The following ZNF496 variants were observed in gnomAD, a reference collection of about 807,000 sequenced individuals.
The protein encoded by ZNF496 is zinc finger protein 496.
A neutral mutation model predicts 58.9 loss-of-function variants in ZNF496; 11 were observed. The observed-to-expected ratio is 0.19, with a 90% confidence interval of 0.12 to 0.31. ZNF496 has a LOEUF of 0.31. ZNF496 is among the 10% of genes least tolerant of loss of function. The probability of loss-of-function intolerance (pLI) is 1.00; values close to 1 mark genes in which losing one functional copy is unlikely to be tolerated. For synonymous variants in ZNF496, 338 were observed against 318.2 expected, an observed-to-expected ratio of 1.06 and a Z score of -0.66; for missense variants, 660 against 783.0, an observed-to-expected ratio of 0.84 and a Z score of 1.88.
rs138760260 is a variant in ZNF496, at chr1:247,300,631, C to T, written c.1652G>A (p.Arg551Gln). The T allele has an allele frequency of 3.0e-5, 49 of 1,614,020 alleles. No homozygotes were observed. The Middle Eastern group carries it at 6.6e-4, about 22-fold the overall frequency. ...RSHFHLKDKA[R>Q]PFQCRYCVKS... ...GACGCAGTACCGGCACTGGAAGGGC[C>T]GGGCTTTGTCCTTCAGGTGAAAGTG... The change falls in exon 10 of 10, where the codon CGG becomes CAG. Residue 551 changes from arginine to glutamine, a missense_variant. Arg to Gln is a conservative substitution (Grantham distance 43). Coordinates refer to ENST00000682384, the MANE Select transcript of ZNF496 (RefSeq NM_032752.3). The surrounding 1 kb of genome is among the most constrained non-coding windows in gnomAD (Gnocchi z 5.7).
chr1:247,316,135 G>GGTGTGTGTGTGTGT (rs148003455), intron 6 of ZNF496, among the ~76,000 whole-genome samples: 212 of 139,916 alleles, frequency 1.5e-3, no homozygotes, highest in African/African-American at 3.6e-3. Flanking sequence ...CTGGGAGAGG[G>GGTGTGTGTGTGTGT]GTGTGTGTGT....
Position 247,300,708 on chromosome 1 carries a change from A to C in ZNF496, c.1575T>G (p.Cys525Trp). The change falls in exon 10 of 10, where the codon TGT (cysteine) becomes TGG (tryptophan). Residue 525 changes from cysteine (C) to tryptophan (W), a missense_variant. Cys to Trp is a radical substitution (Grantham distance 215, BLOSUM62 -2). Coordinates refer to ENST00000682384, the MANE Select transcript of ZNF496 (RefSeq NM_032752.3). The surrounding 1 kb of genome is among the most constrained non-coding windows in gnomAD (Gnocchi z 5.7). Reference protein sequence around the residue: ...NGKAKLSFQCCECGKAFQRHD... With the variant: ...NGKAKLSFQCWECGKAFQRHD... ...GCCGCTGGAAGGCCTTCCCACACTC[A>C]CAGCACTGGAAGCTCAGTTTGGCCT... The C allele has an allele frequency of 1.9e-6, 3 of 1,613,950 alleles. No homozygotes were observed. Among genetic ancestry groups the C allele is most frequent in the South Asian group, 1.1e-5 (1 of 91,078 alleles).
chr1:247,320,232 T>C (rs1158080683), intron 6 of ZNF496, among the ~76,000 whole-genome samples: 1 of 152,122 alleles, frequency 6.6e-6, no homozygotes, highest in African/African-American at 2.4e-5. Context: ...ACCCGGATAG[T>C]CCTCAACCAG....
At chr1:247,307,421 T>C in intron 9 of ZNF496, 3 of 985,404 alleles carry the variant, frequency 3.0e-6, no homozygotes, top group Non-Finnish European at 3.6e-6. Context: ...TAAAAGTATA[T>C]TGATGGGGCT....
chr1:247,317,651 T>C (rs1659831116), intron 6 of ZNF496, among the ~76,000 whole-genome samples: 1 of 152,000 alleles, frequency 6.6e-6, no homozygotes, highest in East Asian at 1.9e-4. Flanking sequence ...CATCCCCACT[T>C]TGATGCCCGC....
At chr1:247,331,389 C>A (rs1339549978) in intron 2 of ZNF496, 43 bp downstream of exon 2, 1 of 152,220 alleles carries the variant, frequency 6.6e-6, no homozygotes, top group Non-Finnish European at 1.5e-5. Flanking sequence ...CTCGGTCTCC[C>A]TCACACGCGC....
chr1:247,300,606 G>C lies in ZNF496; in HGVS notation c.1677C>G (p.Val559=). The change falls in exon 10 of 10, where the codon GTC becomes GTG. Residue 559 remains valine (V), a synonymous_variant. Coordinates refer to ENST00000682384, the MANE Select transcript of ZNF496 (RefSeq NM_032752.3). The surrounding 1 kb of genome is among the most constrained non-coding windows in gnomAD (Gnocchi z 5.7). ...KARPFQCRYC[V]KSFTQNYDLL... is the part of the protein sequence containing the mutation. ...GGTCATAGTTCTGCGTGAAGCTCTT[G>C]ACGCAGTACCGGCACTGGAAGGGCC... 2 of 1,614,120 alleles carry C rather than the reference G, an allele frequency of 1.2e-6. No homozygotes were observed. The highest frequency in any genetic ancestry group is 1.7e-6 in the Non-Finnish European group (2 of 1,180,022).
chr1:247,309,892 G>A lies in ZNF496; in HGVS notation c.785-86C>T, dbSNP rs888032439. On this transcript the variant is annotated intron_variant, in intron 7 of 9. Coordinates refer to ENST00000682384, the MANE Select transcript of ZNF496 (RefSeq NM_032752.3). This position sits in a 1 kb window ranked among gnomAD's most constrained non-coding sequence, Gnocchi z 4.3. Reference sequence around the variant, plus strand: ...GCTGGTCCAGAAGAGAGAAGGCGGAGGGATGCCCAGCGGGCATGGCACCAT... The same window carrying A: ...GCTGGTCCAGAAGAGAGAAGGCGGAAGGATGCCCAGCGGGCATGGCACCAT... The A allele has an allele frequency of 5.3e-6, 8 of 1,498,886 alleles. No homozygotes were observed. The African/African-American group carries it at 1.1e-4, about 21-fold the overall frequency. The allele number at this position is 1,498,886 out of a possible 1,614,324, so 92.8% of individuals were successfully genotyped here. A position where few individuals can be genotyped will look rare whatever the true frequency, so the allele number is the denominator to read the frequency against.
intron 6 of ZNF496, chr1:247,322,886 T>A: frequency 1.0e-6 from 1 of 962,354 alleles, no homozygotes; most frequent in South Asian, 1.5e-5. Flanking sequence ...CAATGGGGAC[T>A]CATGGGCCTT....
rs1325267782 is a variant in ZNF496, at chr1:247,300,440, G to A, written c.*79C>T. 3 of 1,463,474 alleles carry A rather than the reference G, an allele frequency of 2.0e-6. No individual in the cohort carries two copies. Among genetic ancestry groups the A allele is most frequent in the African/African-American group, 1.4e-5 (1 of 70,890 alleles). The allele number at this position is 1,463,474 out of a possible 1,614,324, so 90.7% of individuals were successfully genotyped here. A position where few individuals can be genotyped will look rare whatever the true frequency, so the allele number is the denominator to read the frequency against. ...GTGCTCTCTATCCTGGGGAAGGTATGTCCTGGGTGGGGGCGCTGATCAGTA... is the reference window on the plus strand; with the variant it reads ...GTGCTCTCTATCCTGGGGAAGGTATATCCTGGGTGGGGGCGCTGATCAGTA... On this transcript the variant is annotated 3_prime_UTR_variant, in exon 10 of 10. Transcript: ENST00000682384. The surrounding 1 kb of genome is among the most constrained non-coding windows in gnomAD (Gnocchi z 5.7).
At chr1:247,317,135 ACC>A (rs1558154448) in intron 6 of ZNF496, among the ~76,000 whole-genome samples, 8 of 152,034 alleles carry the variant, frequency 5.3e-5, no homozygotes, top group Non-Finnish European at 1.2e-4. Flanking sequence ...TAGAATGAAA[ACC>A]CTGGACATTG....
intron 6 of ZNF496, among the ~76,000 whole-genome samples, chr1:247,320,003 A>G (rs1000663736): frequency 1.3e-5 from 2 of 152,238 alleles, no homozygotes; most frequent in African/African-American, 4.8e-5. Flanking sequence ...TGACTGTAAA[A>G]GGATGGAATA....
chr1:247,307,984 A>T, intron 9 of ZNF496: 1 of 985,394 alleles, frequency 1.0e-6, no homozygotes, highest in Non-Finnish European at 1.2e-6. Context: ...CCTGCTCTTT[A>T]ATCCCAGTTC....
intron 5 of ZNF496, among the ~76,000 whole-genome samples, chr1:247,325,788 C>T (rs1256833250): frequency 6.6e-6 from 1 of 152,054 alleles, no homozygotes; most frequent in African/African-American, 2.4e-5. Context: ...AGCCACCATG[C>T]CTGGCTAGGA....
In ZNF496 at chr1:247,300,483, C is replaced by A; in HGVS notation, c.*36G>T. On this transcript the variant is annotated 3_prime_UTR_variant, in exon 10 of 10. Coordinates refer to ENST00000682384, the MANE Select transcript of ZNF496 (RefSeq NM_032752.3). The surrounding 1 kb of genome is among the most constrained non-coding windows in gnomAD (Gnocchi z 5.7). ...GATCAGTACCAAGGTGAGGGGGCAG[C>A]ACCAGCCAGGGTGAGGCCGCCCCAG... The A allele has an allele frequency of 1.3e-6, 2 of 1,569,090 alleles. No homozygotes were observed. Among genetic ancestry groups the A allele is most frequent in the Non-Finnish European group, 1.7e-6 (2 of 1,155,962 alleles).
chr1:247,323,436 C>T (rs1660022620), intron 5 of ZNF496, among the ~76,000 whole-genome samples: 2 of 152,094 alleles, frequency 1.3e-5, no homozygotes. Flanking sequence ...CAAAATGACG[C>T]ACATGAAAAG....
intron 5 of ZNF496, among the ~76,000 whole-genome samples, chr1:247,326,127 C>T (rs6679493): frequency 1.4e-5 from 2 of 147,250 alleles, no homozygotes; most frequent in African/African-American, 5.0e-5. Flanking sequence ...TATATACATA[C>T]ATATATATAT....
At chr1:247,316,214 C>G (rs1444467716) in intron 6 of ZNF496, among the ~76,000 whole-genome samples, 1 of 15,326 alleles carries the variant, frequency 6.5e-5, no homozygotes, top group Non-Finnish European at 2.5e-4. Context: ...CGCGCGCGTG[C>G]GCGTGTGTGT....
At chr1:247,323,058 G>A in intron 6 of ZNF496, 96 bp downstream of exon 6, 1 of 1,015,730 alleles carries the variant, frequency 9.8e-7, no homozygotes, top group South Asian at 1.4e-5. Context: ...CATCCTGTGT[G>A]GCAGTCAGAA....
Sources: allele counts gnomAD v4.1 joint callset (sites outside exome capture counted in the v4.1 genomes callset), GRCh38; gene constraint gnomAD v4.1.1; non-coding constraint Gnocchi (gnomAD v3.1); transcripts MANE v1.5; gene names NCBI Gene and HGNC (gene_info 2026-07-23, HGNC 2026-07-21).